The following DYNC1H1 variants were observed in gnomAD, a reference collection of about 807,000 sequenced individuals.
DYNC1H1 encodes the protein cytoplasmic dynein 1 heavy chain 1.
A neutral mutation model predicts 527.1 loss-of-function variants in DYNC1H1; 51 were observed. The observed-to-expected ratio is 0.10, with a 90% CI of 0.08 to 0.12. DYNC1H1 has a LOEUF of 0.12. Among genes scored for constraint, DYNC1H1 ranks in the 10% least tolerant of loss-of-function variants. DYNC1H1 has a pLI of 1.00. For synonymous variants in DYNC1H1, 2,189 were observed against 2,278.8 expected (o/e 0.96, Z 1.12); for missense variants, 2,771 against 5,971.8 (o/e 0.46, Z 17.66).
At position 102,040,658 on chromosome 14, in the gene DYNC1H1, G is replaced by C. The variant is rs1459731964; in HGVS notation, c.11926G>C (p.Glu3976Gln). ...PEQTVPYLWS[E>Q]ETPATPIGQA... Reference sequence around the variant, plus strand: ...GCAGACTGTGCCCTACCTCTGGAGTGAAGAAACACCTGCAAGTAAGCCCCA... The same window carrying C: ...GCAGACTGTGCCCTACCTCTGGAGTCAAGAAACACCTGCAAGTAAGCCCCA... The change falls in exon 64 of 78, where the codon GAA becomes CAA. Residue 3976 changes from glutamate (E) to glutamine (Q), a missense_variant. By Grantham distance (29) the Glu-to-Gln change is conservative (BLOSUM62 2). Around this residue, in one of 32 missense-constraint regions of DYNC1H1, gnomAD observed 120 missense variants for 161.9 expected, o/e 0.74. Transcript: ENST00000360184. 9 of 1,614,104 alleles carry C rather than the reference G, an allele frequency of 5.6e-6. No homozygotes were observed. The African/African-American group carries it at 1.2e-4, about 22-fold the overall frequency.
At chr14:101,966,451 AC>A in intron 1 of DYNC1H1, among the ~76,000 whole-genome samples, 1 of 151,972 alleles carries the variant, frequency 6.6e-6, no homozygotes, top group East Asian at 1.9e-4. Flanking sequence ...TTTCCAAAAA[AC>A]ATATAGTCAT....
At chr14:101,980,009 G>A in intron 4 of DYNC1H1, 35 bp downstream of exon 4, 1 of 1,613,822 alleles carries the variant, frequency 6.2e-7, no homozygotes, top group South Asian at 1.1e-5. Flanking sequence ...TGTAAAATAT[G>A]TTACTCTTTA....
In DYNC1H1 at chr14:102,041,838, C is replaced by A; in HGVS notation, c.12102+104C>A. Reference sequence around the variant, plus strand: ...ATCTGCTCTCACTCCGGGCTACAGTCTCCTCCTAAGACCAGGAACTCGCTG... The same window carrying A: ...ATCTGCTCTCACTCCGGGCTACAGTATCCTCCTAAGACCAGGAACTCGCTG... On this transcript the variant is annotated intron_variant, in intron 65 of 77. Transcript: ENST00000360184. This position sits in a 1 kb window ranked among gnomAD's most constrained non-coding sequence, Gnocchi z 4.5. 6.3e-7 allele frequency: 1 copy of A among 1,576,290 alleles called. No homozygotes were observed. Among genetic ancestry groups the A allele is most frequent in the Non-Finnish European group, 8.7e-7 (1 of 1,155,764 alleles).
Position 102,034,088 on chromosome 14 carries a change from T to C in DYNC1H1, c.10526T>C (p.Leu3509Ser), listed in dbSNP as rs1349769503. ...TCCACCATTGCTGGGGACTGTCTCT[T>C]GTCAGCTGCGTTCATTGCCTACGCG... ...QMSTIAGDCL[L>S]SAAFIAYAGY... The change falls in exon 55 of 78, where the codon TTG becomes TCG. Residue 3509 changes from leucine (L) to serine (S), a missense_variant. Physicochemically the swap from Leu to Ser is moderately radical, Grantham distance 145. Around this residue, in one of 32 missense-constraint regions of DYNC1H1, gnomAD observed 283 missense variants for 737.6 expected, o/e 0.38. Coordinates refer to ENST00000360184, the MANE Select transcript of DYNC1H1 (RefSeq NM_001376.5). The C allele has an allele frequency of 1.2e-6, 2 of 1,614,138 alleles. No individual in the cohort carries two copies. The highest frequency in any genetic ancestry group is 1.7e-6 in the Non-Finnish European group (2 of 1,180,028).
Position 102,049,208 on chromosome 14 carries a change from T to C in DYNC1H1, c.13373-232T>C, listed in dbSNP as rs2048770075. 1.7e-6 allele frequency: 1 copy of C among 605,256 alleles called. No homozygotes were observed. Among genetic ancestry groups the C allele is most frequent in the South Asian group, 1.9e-5 (1 of 52,166 alleles). The allele number at this position is 605,256 out of a possible 1,614,324, so 37.5% of individuals were successfully genotyped here. A position where few individuals can be genotyped will look rare whatever the true frequency, so the allele number is the denominator to read the frequency against. ...CTCCAGAAAGACACACCTGGACTAA[T>C]TTGACCCTAGAAACTGCACGGTTCT... On this transcript the variant is annotated intron_variant, in intron 74 of 77. Transcript: ENST00000360184. The surrounding 1 kb of genome is among the most constrained non-coding windows in gnomAD (Gnocchi z 5.5).
At chr14:102,026,871 C>T (rs1279325661) in intron 44 of DYNC1H1, 164 bp downstream of exon 44, 10 of 1,085,718 alleles carry the variant, frequency 9.2e-6, no homozygotes, top group South Asian at 1.4e-5. Context: ...GCTTAACCAT[C>T]CTCAGTTTAT....
chr14:102,004,989 C>T (rs768274122), intron 25 of DYNC1H1, 39 bp downstream of exon 25: 63 of 1,614,050 alleles, frequency 3.9e-5, no homozygotes, highest in Non-Finnish European at 4.8e-5. Flanking sequence ...GTGGTGAAAA[C>T]GCAGACCAAT....
intron 69 of DYNC1H1, chr14:102,043,111 G>A (rs1256103793): frequency 2.6e-5 from 9 of 346,570 alleles, no homozygotes; most frequent in South Asian, 9.2e-5. Context: ...GTGAAACTCC[G>A]TCTCTACTAA....
chr14:101,983,456 C>G lies in DYNC1H1; in HGVS notation c.1308C>G (p.Asp436Glu). The change falls in exon 7 of 78, where the codon GAC becomes GAG. Residue 436 changes from aspartate to glutamate, a missense_variant. Coordinates refer to ENST00000360184, the MANE Select transcript of DYNC1H1 (RefSeq NM_001376.5). This position sits in a 1 kb window ranked among gnomAD's most constrained non-coding sequence, Gnocchi z 5.3. ...AGAAACTTCAGGTATTGTTGAGAGA[C>G]ATCGTCAAAAGAAAAAGGGAAGAAA... ...EYEKLQVLLR[D>E]IVKRKREENL... 6.2e-7 allele frequency: 1 copy of G among 1,614,040 alleles called. No individual in the cohort carries two copies. Among genetic ancestry groups the G allele is most frequent in the Non-Finnish European group, 8.5e-7 (1 of 1,180,012 alleles).
chr14:102,026,108 CAAA>C (rs530665556), intron 43 of DYNC1H1, among the ~76,000 whole-genome samples: 3 of 71,962 alleles, frequency 4.2e-5, no homozygotes, highest in African/African-American at 1.1e-4. Context: ...AGCGAGGCTA[CAAA>C]AAAAAAAAAA....
rs570053988 is a variant in DYNC1H1 at position 102,045,317 on chromosome 14, A to C, written c.13006+619A>C. 831 of 156,424 alleles carry C rather than the reference A, an allele frequency of 5.3e-3. 17 individuals are homozygous for C. The highest frequency in any genetic ancestry group is 0.035 in the East Asian group (186 of 5,254). The allele number at this position is 156,424 out of a possible 1,614,324, so 9.7% of individuals were successfully genotyped here. On this transcript the variant is annotated intron_variant, in intron 72 of 77. Coordinates refer to ENST00000360184, the MANE Select transcript of DYNC1H1 (RefSeq NM_001376.5). ...GACTCTGTCTCAAAAAAAAAAAAAA[A>C]AGCCGGGCGCAGTGGCTCACGCCTA...
Position 102,018,429 on chromosome 14 carries a change from G to C in DYNC1H1, c.8178-22G>C. 1 of 1,611,488 alleles carries C rather than the reference G, an allele frequency of 6.2e-7. No individual in the cohort carries two copies. The highest frequency in any genetic ancestry group is 1.7e-5 in the Admixed American group (1 of 59,962). ...GGAGGCGCTGTCAGGGAGGGGCGCT[G>C]AGCGGGGCTATCTGTGCACAGGTTC... On this transcript the variant is annotated intron_variant, in intron 40 of 77. Transcript: ENST00000360184. The surrounding 1 kb of genome is among the most constrained non-coding windows in gnomAD (Gnocchi z 5.2).
chr14:102,047,899 G>C lies in DYNC1H1; in HGVS notation c.13089G>C (p.Lys4363Asn). The C allele has an allele frequency of 1.9e-6, 3 of 1,613,730 alleles. No individual in the cohort carries two copies. Among genetic ancestry groups the C allele is most frequent in the Non-Finnish European group, 2.5e-6 (3 of 1,179,988 alleles). The change falls in exon 73 of 78, where the codon AAG (lysine) becomes AAC (asparagine). Residue 4363 changes from lysine to asparagine, a missense_variant. By Grantham distance (94) the Lys-to-Asn change is moderately conservative. Transcript: ENST00000360184. ...DDLAYAETEK[K>N]TRTDSTSDGR... ...TGGCCTACGCAGAGACTGAGAAGAA[G>C]ACGAGGACAGACTCCACGTCCGACG... is the stretch of plus-strand genomic sequence containing the variant.
At chr14:102,025,219 A>G (rs2048434761) in intron 43 of DYNC1H1, among the ~76,000 whole-genome samples, 1 of 151,850 alleles carries the variant, frequency 6.6e-6, no homozygotes, top group African/African-American at 2.4e-5. Context: ...AGCCTTACCA[A>G]CATGGTGAAA....
At chr14:102,019,791 A>G (rs568472941) in intron 41 of DYNC1H1, 102 bp from the exon 42 acceptor site, 11 of 1,434,452 alleles carry the variant, frequency 7.7e-6, no homozygotes, top group African/African-American at 5.6e-5. Flanking sequence ...TTCAGGGTCT[A>G]GGTTCTTTAA....
At position 102,015,158 on chromosome 14, in the gene DYNC1H1, G is replaced by A. The variant is rs188714917; in HGVS notation, c.7068G>A (p.Val2356=). The A allele has an allele frequency of 1.2e-6, 2 of 1,614,232 alleles. No individual in the cohort carries two copies. The highest frequency in any genetic ancestry group is 1.3e-5 in the African/African-American group (1 of 75,066). ...TGAAATACGCGACCTTGGCCACAGT[G>A]TCGCGCTGCGGCATGGTCTGGTTCA... ...QDLKYATLAT[V]SRCGMVWFSE... The change falls in exon 35 of 78, where the codon GTG becomes GTA. Residue 2356 remains valine, a synonymous_variant. Coordinates refer to ENST00000360184, the MANE Select transcript of DYNC1H1 (RefSeq NM_001376.5). This position sits in a 1 kb window ranked among gnomAD's most constrained non-coding sequence, Gnocchi z 6.9.
In DYNC1H1 at chr14:102,044,727, AGGGTGGGTGGCGAGGGTCCCCTCACGCG is replaced by A. The variant is rs371727961; in HGVS notation, c.13006+51_13006+78del. The A allele has an allele frequency of 0.068, 108,498 of 1,600,488 alleles. 3,980 individuals carry two copies. Among genetic ancestry groups the A allele is most frequent in the South Asian group, 0.095 (8,640 of 90,732 alleles). Reference sequence around the variant, plus strand: ...GGCAACAAGGATCCTCCCCACACGCAGGGTGGGTGGCGAGGGTCCCCTCACGCGGGGTGGGTGGCGAGGGTCCCCACAC... The same window carrying A: ...GGCAACAAGGATCCTCCCCACACGCAGGGTGGGTGGCGAGGGTCCCCACAC... On this transcript the variant is annotated intron_variant, in intron 72 of 77. Coordinates refer to ENST00000360184, the MANE Select transcript of DYNC1H1 (RefSeq NM_001376.5). This position sits in a 1 kb window ranked among gnomAD's most constrained non-coding sequence, Gnocchi z 7.1.
At chr14:101,988,009 C>T (rs2047955348) in intron 9 of DYNC1H1, among the ~76,000 whole-genome samples, 5 of 152,032 alleles carry the variant, frequency 3.3e-5, no homozygotes, top group South Asian at 2.1e-4. Flanking sequence ...GCCCAGGAGG[C>T]GGAGGTTGCA....
intron 43 of DYNC1H1, among the ~76,000 whole-genome samples, chr14:102,024,334 G>GC (rs2048423665): frequency 1.3e-5 from 2 of 152,196 alleles, no homozygotes; most frequent in Admixed American, 1.3e-4. Flanking sequence ...TCATTGAGGA[G>GC]CCCCAGGTGA....
Sources: gnomAD v4.1 joint callset for allele counts (sites outside exome capture counted in the v4.1 genomes callset) on GRCh38, gnomAD v4.1.1 for gene constraint, gnomAD v4.1.1 regional missense constraint, Gnocchi (gnomAD v3.1) non-coding constraint, MANE v1.5 for transcripts, NCBI Gene and HGNC (gene_info 2026-07-23, HGNC 2026-07-21) for gene names.